The following PTBP3 variants were observed in gnomAD, a reference collection of about 807,000 sequenced individuals.
PTBP3 encodes polypyrimidine tract-binding protein 3.
PTBP3 carries 20 observed loss-of-function variants against 58.7 expected under a neutral mutation model. The observed-to-expected ratio is 0.34, with a 90% confidence interval of 0.24 to 0.50. The LOEUF is 0.50. Ranked by LOEUF, PTBP3 falls within the 20% of genes least tolerant of loss-of-function variation. The pLI, the probability that PTBP3 is intolerant of heterozygous loss-of-function variation, is 0.98. For synonymous variants in PTBP3, 185 were observed against 219.8 expected (o/e 0.84, Z 1.40); for missense variants, 509 against 637.2 (o/e 0.80, Z 2.17).
intron 4 of PTBP3, among the ~76,000 whole-genome samples, chr9:112,264,543 G>A (rs1260571388): frequency 1.3e-5 from 2 of 152,074 alleles, no homozygotes; most frequent in Non-Finnish European, 2.9e-5. Flanking sequence ...GCTATTCAGA[G>A]AACAAAAAGG....
rs571686935 is a variant in PTBP3 at position 112,313,451 on chromosome 9, T to C, written c.-51-15535A>G. On this transcript the variant is annotated intron_variant, in intron 1 of 13. Coordinates refer to ENST00000374257, the MANE Select transcript of PTBP3 (RefSeq NM_001163788.4). ...GCTGTATTGTTTATCCATGCCTGGA[T>C]AACTAATTACTCCAAAATTTAGCAG... 2.6e-5 allele frequency among the ~76,000 whole-genome samples: 4 copies of C among 152,360 alleles called. No homozygotes were observed. The East Asian group carries it at 7.7e-4, about 29-fold the overall frequency.
At chr9:112,241,517 T>C (rs1179786884) in intron 7 of PTBP3, among the ~76,000 whole-genome samples, 3 of 152,218 alleles carry the variant, frequency 2.0e-5, no homozygotes, top group Non-Finnish European at 4.4e-5. Context: ...ATACTGTATT[T>C]TTACTGTACC....
the PTBP3 span, among the ~76,000 whole-genome samples, chr9:112,379,685 G>C: frequency 6.6e-6 from 1 of 152,188 alleles, no homozygotes; most frequent in Non-Finnish European, 1.5e-5. Context: ...TCGGGCGTAG[G>C]GGCAAGAAGA....
chr9:112,293,451 G>A (rs1828532822), intron 2 of PTBP3, among the ~76,000 whole-genome samples: 2 of 152,314 alleles, frequency 1.3e-5, no homozygotes, highest in Non-Finnish European at 2.9e-5. Flanking sequence ...GTGGTTGAAT[G>A]CATATGTGAT....
At chr9:112,333,254 C>A (rs1830454517) in intron 1 of PTBP3, among the ~76,000 whole-genome samples, 1 of 152,172 alleles carries the variant, frequency 6.6e-6, no homozygotes, top group Non-Finnish European at 1.5e-5. Flanking sequence ...TCCGGGGCGC[C>A]GCGTGGGGAA....
chr9:112,257,252 ATAC>A (rs977311403), intron 5 of PTBP3, among the ~76,000 whole-genome samples: 1 of 152,196 alleles, frequency 6.6e-6, no homozygotes, highest in African/African-American at 2.4e-5. Context: ...AAACGATATG[ATAC>A]TTCTGAATAA....
chr9:112,374,801 C>T, the PTBP3 span, among the ~76,000 whole-genome samples: 933 of 152,346 alleles, frequency 6.1e-3, 7 homozygotes, highest in African/African-American at 0.02. Flanking sequence ...TAGGCAAACC[C>T]ATATCCAGAG....
At chr9:112,342,891 C>T in the PTBP3 span, among the ~76,000 whole-genome samples, 9 of 152,200 alleles carry the variant, frequency 5.9e-5, no homozygotes, top group African/African-American at 1.9e-4. Context: ...GGCAGTCTCA[C>T]TATGTTGCCC....
At chr9:112,315,705 A>T (rs759083772) in intron 1 of PTBP3, among the ~76,000 whole-genome samples, 15 of 152,218 alleles carry the variant, frequency 9.9e-5, no homozygotes, top group Non-Finnish European at 1.8e-4. Context: ...AAGAAAATAC[A>T]CTCACAAATA....
In PTBP3 at chr9:112,219,065, T is replaced by C. The variant is rs1286116368; in HGVS notation, c.*4786A>G. The C allele has an allele frequency of 7.2e-5, 11 of 152,550 alleles. No individual in the cohort carries two copies. The highest frequency in any genetic ancestry group is 2.4e-4 in the African/African-American group (10 of 41,404). The allele number at this position is 152,550 out of a possible 1,614,324, so 9.4% of individuals were successfully genotyped here. A position where few individuals can be genotyped will look rare whatever the true frequency, so the allele number is the denominator to read the frequency against. ...TTTCTCTAAGTAGTCTATTCAGCAG[T>C]AGAAATTGAAAGTAAAGGCCGCTCT... On this transcript the variant is annotated 3_prime_UTR_variant, in exon 14 of 14. Coordinates refer to ENST00000374257, the MANE Select transcript of PTBP3 (RefSeq NM_001163788.4).
chr9:112,378,110 C>CCTT, the PTBP3 span, among the ~76,000 whole-genome samples: 92,246 of 151,774 alleles, frequency 0.61, 28,319 homozygotes, highest in Non-Finnish European at 0.64. Context: ...CAAGTCCTCT[C>CCTT]CTTCACCCAT....
chr9:112,250,899 T>A, intron 7 of PTBP3, 30 bp downstream of exon 7: 1 of 1,467,884 alleles, frequency 6.8e-7, no homozygotes, highest in Non-Finnish European at 9.0e-7. Context: ...TCAGAAAACT[T>A]GCTTTGTGAC....
intron 1 of PTBP3, among the ~76,000 whole-genome samples, chr9:112,320,712 G>C (rs2132441580): frequency 6.6e-6 from 1 of 152,236 alleles, no homozygotes; most frequent in South Asian, 2.1e-4. Context: ...CAAGGGATAA[G>C]AATACAGTAT....
At chr9:112,231,450 T>C (rs760160200) in intron 9 of PTBP3, 37 bp from the exon 10 acceptor site, 1 of 1,519,776 alleles carries the variant, frequency 6.6e-7, no homozygotes, top group Non-Finnish European at 8.9e-7. Flanking sequence ...GTCTGACAAT[T>C]TAAGTAAAAA....
the PTBP3 span, among the ~76,000 whole-genome samples, chr9:112,375,225 C>T: frequency 6.6e-6 from 1 of 152,232 alleles, no homozygotes; most frequent in Non-Finnish European, 1.5e-5. Context: ...CATCTACATA[C>T]CTCTTCCCCA....
At chr9:112,356,641 A>G in the PTBP3 span, among the ~76,000 whole-genome samples, 1 of 151,536 alleles carries the variant, frequency 6.6e-6, no homozygotes, top group Non-Finnish European at 1.5e-5. Flanking sequence ...GCTTGTGCTC[A>G]TATAAGGGAG....
intron 1 of PTBP3, among the ~76,000 whole-genome samples, chr9:112,329,845 C>CTTTTTT (rs10660630): frequency 7.6e-6 from 1 of 131,970 alleles, no homozygotes; most frequent in Non-Finnish European, 1.6e-5. Flanking sequence ...CTAGGCTACA[C>CTTTTTT]TTTTTTTTTT....
rs1018508106 is a variant in PTBP3, at chr9:112,262,591, T to C, written c.360A>G (p.Gln120=). The change falls in exon 5 of 14, where the codon CAA becomes CAG. Residue 120 remains glutamine, a synonymous_variant. Coordinates refer to ENST00000374257, the MANE Select transcript of PTBP3 (RefSeq NM_001163788.4). ...CGGCACTGACAGCCTGCAGTGCAGC[T>C]TGGGCTCGCTATAGAACAACCCAAA... is the stretch of plus-strand genomic sequence containing the variant. The part of the protein sequence containing the change: ...TDNLPNQARA[Q]AALQAVSAVQ... 1.3e-6 allele frequency: 2 copies of C among 1,597,650 alleles called. No homozygotes were observed. Among genetic ancestry groups the C allele is most frequent in the South Asian group, 1.1e-5 (1 of 87,806 alleles).
chr9:112,287,334 G>GTTTTTTTTTTTTTTTTTTTT lies in PTBP3; in HGVS notation c.34+10497_34+10498insAAAAAAAAAAAAAAAAAAAA, dbSNP rs34426952. On this transcript the variant is annotated intron_variant, in intron 2 of 13. Coordinates refer to ENST00000374257, the MANE Select transcript of PTBP3 (RefSeq NM_001163788.4). Reference sequence around the variant, plus strand: ...TAAGGCTCTGTTCACTTCTTTTTCAGTTTTTTGTTTTTTTTTTTTTTTTGA... The same window carrying GTTTTTTTTTTTTTTTTTTTT: ...TAAGGCTCTGTTCACTTCTTTTTCAGTTTTTTTTTTTTTTTTTTTTTTTTTTGTTTTTTTTTTTTTTTTGA... Among the ~76,000 whole-genome samples the GTTTTTTTTTTTTTTTTTTTT allele has an allele frequency of 2.1e-5, 2 of 96,080 alleles. 1 individual carries two copies. The highest frequency in any genetic ancestry group is 3.8e-5 in the Non-Finnish European group (2 of 52,590). The allele number at this position is 96,080 out of a possible 152,430, so 63.0% of individuals were successfully genotyped here.
Sources: gnomAD v4.1 joint callset for allele counts (sites outside exome capture counted in the v4.1 genomes callset) on GRCh38, gnomAD v4.1.1 for gene constraint, MANE v1.5 for transcripts, NCBI Gene and HGNC (gene_info 2026-07-23, HGNC 2026-07-21) for gene names.